The following SDHC variants were observed in gnomAD, a reference collection of about 807,000 sequenced individuals.
SDHC encodes the protein succinate dehydrogenase cytochrome b560 subunit, mitochondrial.
Under a neutral mutation model 22.6 loss-of-function variants are expected in SDHC, and 11 were observed. The observed-to-expected ratio is 0.49, with a 90% confidence interval of 0.31 to 0.81. The LOEUF (loss-of-function observed/expected upper bound fraction) is 0.81, where lower values mean the gene tolerates loss of function less well. Ranked by LOEUF, SDHC falls within the 30% of genes least tolerant of loss-of-function variation. SDHC has a pLI of 0.05. For missense variants in SDHC, 160 were observed against 212.0 expected (o/e 0.75, Z 1.52); for synonymous variants, 80 against 77.8 (o/e 1.03, Z -0.15).
At chr1:161,331,721 A>G (rs1412833375) in intron 3 of SDHC, among the ~76,000 whole-genome samples, 1 of 149,604 alleles carries the variant, frequency 6.7e-6, no homozygotes, top group African/African-American at 2.5e-5. Flanking sequence ...TCAGCCTCCC[A>G]AGTAGCTGGG....
intron 3 of SDHC, among the ~76,000 whole-genome samples, chr1:161,337,329 T>C (rs1671533701): frequency 6.6e-6 from 1 of 152,184 alleles, no homozygotes; most frequent in Admixed American, 6.5e-5. Flanking sequence ...GTCACTCACA[T>C]GTCTTGGAGT....
chr1:161,328,007 A>AAT (rs1258472271), intron 2 of SDHC, among the ~76,000 whole-genome samples: 1,943 of 138,320 alleles, frequency 0.014, 47 homozygotes, highest in African/African-American at 0.046. Context: ...GATACTGCAA[A>AAT]TTTTTTTTTT....
chr1:161,320,073 G>T (rs983571622), intron 1 of SDHC, among the ~76,000 whole-genome samples: 4 of 152,280 alleles, frequency 2.6e-5, no homozygotes, highest in Non-Finnish European at 2.9e-5. Context: ...TGGTGTTATT[G>T]AATGATATGT....
chr1:161,323,425 AT>A (rs1298124595), intron 1 of SDHC, among the ~76,000 whole-genome samples, 188 bp from the exon 2 acceptor site: 1 of 152,030 alleles, frequency 6.6e-6, no homozygotes. Flanking sequence ...TTTAGGTAAT[AT>A]TTCTTATTAT....
intron 3 of SDHC, among the ~76,000 whole-genome samples, chr1:161,340,039 G>A (rs1671664671): frequency 6.6e-6 from 1 of 151,268 alleles, no homozygotes. Context: ...GCTCACACCT[G>A]TAATTCCAGT....
intron 1 of SDHC, among the ~76,000 whole-genome samples, chr1:161,315,200 G>T (rs898838826): frequency 2.0e-5 from 3 of 152,174 alleles, no homozygotes; most frequent in Admixed American, 2.0e-4. Flanking sequence ...GCATAGTTTT[G>T]TGCCAGCCTT....
intron 3 of SDHC, among the ~76,000 whole-genome samples, chr1:161,329,143 T>C (rs1671180788): frequency 6.6e-6 from 1 of 152,116 alleles, no homozygotes; most frequent in South Asian, 2.1e-4. Context: ...CTTGACCTAG[T>C]GATCCGCCCG....
chr1:161,326,613 A>T (rs1571848542), intron 2 of SDHC: 5 of 135,926 alleles, frequency 3.7e-5, no homozygotes, highest in South Asian at 2.3e-4. Context: ...ATTTTATTTT[A>T]ATTTTTAATT....
intron 1 of SDHC, among the ~76,000 whole-genome samples, chr1:161,317,025 T>TTTC (rs1332786263): frequency 2.2e-5 from 3 of 138,304 alleles, no homozygotes; most frequent in South Asian, 2.1e-4. Context: ...TCTTTTTCTT[T>TTTC]TTTTTTTTTT....
intron 1 of SDHC, among the ~76,000 whole-genome samples, chr1:161,317,023 T>TTTTTCTTTTTTC (rs200121894): frequency 1.3e-4 from 19 of 141,500 alleles, no homozygotes; most frequent in African/African-American, 5.1e-4. Flanking sequence ...GTTCTTTTTC[T>TTTTTCTTTTTTC]TTTTTTTTTT....
intron 1 of SDHC, among the ~76,000 whole-genome samples, chr1:161,322,159 G>A (rs1670860292): frequency 6.6e-6 from 1 of 152,108 alleles, no homozygotes; most frequent in East Asian, 1.9e-4. Context: ...TTTCTTTTGA[G>A]CATCATGTCA....
chr1:161,361,252 T>C (rs1052976889), intron 5 of SDHC, among the ~76,000 whole-genome samples: 1 of 151,206 alleles, frequency 6.6e-6, no homozygotes, highest in Non-Finnish European at 1.5e-5. Flanking sequence ...ATATAAAATA[T>C]ATAAATATAT....
At chr1:161,345,342 C>T (rs529193145) in intron 4 of SDHC, among the ~76,000 whole-genome samples, 2 of 152,354 alleles carry the variant, frequency 1.3e-5, no homozygotes, top group East Asian at 3.8e-4. Flanking sequence ...TTGCTTACCA[C>T]CATATTTAAA....
At chr1:161,321,533 C>T (rs16832823) in intron 1 of SDHC, among the ~76,000 whole-genome samples, 17,835 of 152,100 alleles carry the variant, frequency 0.12, 1,420 homozygotes, top group African/African-American at 0.22. Flanking sequence ...GTGAGGAATG[C>T]GTGCCCTGCA....
chr1:161,356,918 G>A, intron 5 of SDHC, 78 bp downstream of exon 5: 1 of 1,443,966 alleles, frequency 6.9e-7, no homozygotes, highest in Non-Finnish European at 9.7e-7. Flanking sequence ...TTCATTACTG[G>A]GTTTAGTGCT....
In SDHC at chr1:161,362,379, A is replaced by C. The variant is rs886251473; in HGVS notation, c.456A>C (p.Gly152=). Residue 152 remains glycine (G), a synonymous_variant, in exon 6 of 6, where the codon GGA becomes GGC. Coordinates refer to ENST00000367975, the MANE Select transcript of SDHC (RefSeq NM_003001.5). ...AGATTCCCCAGCTATACCAGTCTGGAGTGGTTGTCCTGGTTCTTACTGTGT... is the reference window on the plus strand; with the variant it reads ...AGATTCCCCAGCTATACCAGTCTGGCGTGGTTGTCCTGGTTCTTACTGTGT... ...GLKIPQLYQS[G]VVVLVLTVLS... The C allele has an allele frequency of 7.4e-6, 12 of 1,611,278 alleles. No homozygotes were observed. The highest frequency in any genetic ancestry group is 1.0e-5 in the Non-Finnish European group (12 of 1,179,500).
chr1:161,346,490 C>G (rs112828491), intron 4 of SDHC, among the ~76,000 whole-genome samples: 17,771 of 151,896 alleles, frequency 0.12, 1,394 homozygotes, highest in African/African-American at 0.22. Context: ...ACTCTGCCTC[C>G]CAGGTTCAAG....
At chr1:161,324,344 A>G (rs1272050905) in intron 2 of SDHC, among the ~76,000 whole-genome samples, 1 of 152,180 alleles carries the variant, frequency 6.6e-6, no homozygotes, top group Non-Finnish European at 1.5e-5. Context: ...TCCTGGGCTC[A>G]AGTGATCCCC....
intron 1 of SDHC, among the ~76,000 whole-genome samples, chr1:161,316,985 TCTTTTTTTGGGGGTCTC>T (rs1670639188): frequency 6.6e-6 from 1 of 151,912 alleles, no homozygotes; most frequent in Non-Finnish European, 1.5e-5. Flanking sequence ...TTCTTTTTGT[TCTTTTTTTGGGGGTCTC>T]TTTTTTTTTG....
Sources: gnomAD v4.1 joint callset for allele counts (sites outside exome capture counted in the v4.1 genomes callset) on GRCh38, gnomAD v4.1.1 for gene constraint, MANE v1.5 for transcripts, NCBI Gene and HGNC (gene_info 2026-07-23, HGNC 2026-07-21) for gene names.